RAB6B: variants seen among roughly 807,000 people sequenced by gnomAD.
The protein encoded by RAB6B is ras-related protein Rab-6B.
RAB6B carries 7 observed loss-of-function variants against 31.2 expected under a neutral mutation model. That is an observed-to-expected ratio of 0.22 (90% CI 0.13 to 0.42). RAB6B has a LOEUF of 0.42. Among genes scored for constraint, RAB6B ranks in the 10% least tolerant of loss-of-function variants. RAB6B has a pLI of 1.00. For synonymous variants in RAB6B, 105 were observed against 104.9 expected, an observed-to-expected ratio of 1.00 and a Z score of -0.01; for missense variants, 149 against 280.6, an observed-to-expected ratio of 0.53 and a Z score of 3.35.
Position 133,895,759 on chromosome 3 carries a change from C to G in RAB6B, c.-293G>C, listed in dbSNP as rs1936703678. The G allele has an allele frequency of 9.7e-6, 4 of 410,572 alleles. No individual in the cohort carries two copies. The highest frequency in any genetic ancestry group is 2.1e-5 in the African/African-American group (1 of 47,582). The allele number at this position is 410,572 out of a possible 1,614,324, so 25.4% of individuals were successfully genotyped here. A position where few individuals can be genotyped will look rare whatever the true frequency, so the allele number is the denominator to read the frequency against. ...CGCGCTCTTTACGCCCGAGGCGCGG[C>G]GCTGGGAGAGAGGCGCGGGCGGAGC... On this transcript the variant is annotated 5_prime_UTR_variant, in exon 1 of 8. Transcript: ENST00000285208.
At position 133,832,898 on chromosome 3, in the gene RAB6B, G is replaced by C. The variant is rs930359508; in HGVS notation, c.562+1677C>G. On this transcript the variant is annotated intron_variant, in intron 7 of 7. Coordinates refer to ENST00000285208, the MANE Select transcript of RAB6B (RefSeq NM_016577.4). Reference sequence around the variant, plus strand: ...GCTAGGCATACCAGGACGATGACGAGCTCACTGTCACCCTGCACTCAGCCC... The same window carrying C: ...GCTAGGCATACCAGGACGATGACGACCTCACTGTCACCCTGCACTCAGCCC... Among the ~76,000 whole-genome samples, 28 of 152,212 alleles carry C rather than the reference G, an allele frequency of 1.8e-4. 1 individual carries two copies. Among genetic ancestry groups the C allele is most frequent in the Non-Finnish European group, 5.9e-5 (4 of 68,034 alleles).
Position 133,826,760 on chromosome 3 carries a change from G to T in RAB6B, c.*2028C>A, listed in dbSNP as rs895398364. On this transcript the variant is annotated 3_prime_UTR_variant, in exon 8 of 8. Coordinates refer to ENST00000285208, the MANE Select transcript of RAB6B (RefSeq NM_016577.4). ...TTTATTGATGGCAAGACAATCACAA[G>T]TTATTTGACAATATTAAGTATTTCT... The T allele has an allele frequency of 2.6e-5, 4 of 152,628 alleles. No homozygotes were observed. Among genetic ancestry groups the T allele is most frequent in the Admixed American group, 1.3e-4 (2 of 15,286 alleles). 9.5% of individuals were successfully genotyped at this position (152,628 alleles called of 1,614,324 possible).
intron 1 of RAB6B, among the ~76,000 whole-genome samples, chr3:133,884,970 A>G (rs1207721266): frequency 7.6e-6 from 1 of 132,276 alleles, no homozygotes; most frequent in Non-Finnish European, 1.6e-5. Flanking sequence ...AGGACGGGGG[A>G]CTCACACACC....
intron 2 of RAB6B, among the ~76,000 whole-genome samples, chr3:133,842,025 T>C (rs990302776): frequency 2.6e-5 from 4 of 152,206 alleles, no homozygotes; most frequent in Non-Finnish European, 5.9e-5. Flanking sequence ...GTTCCCTTCA[T>C]GGCCTAACCT....
intron 2 of RAB6B, among the ~76,000 whole-genome samples, chr3:133,847,837 C>T (rs1459287750): frequency 1.3e-5 from 2 of 152,212 alleles, no homozygotes; most frequent in Non-Finnish European, 2.9e-5. Context: ...TCTTTGCTTT[C>T]CACGACTTTA....
At chr3:133,885,747 C>T in intron 1 of RAB6B, 1 of 622,482 alleles carries the variant, frequency 1.6e-6, no homozygotes. Context: ...CAGAGAGAGA[C>T]AATAGTCCCT....
chr3:133,842,743 G>A (rs6439444), intron 2 of RAB6B, among the ~76,000 whole-genome samples: 4,504 of 152,258 alleles, frequency 0.03, 211 homozygotes, highest in African/African-American at 0.1. Context: ...GAAGTGAAGG[G>A]AATCTGCTAA....
At chr3:133,888,247 CT>C (rs766519170) in intron 1 of RAB6B, among the ~76,000 whole-genome samples, 8 of 152,260 alleles carry the variant, frequency 5.3e-5, no homozygotes, top group Non-Finnish European at 8.8e-5. Context: ...GGCCAGCTCT[CT>C]CTGAGCCTCT....
At chr3:133,840,338 T>A (rs538537553) in intron 4 of RAB6B, among the ~76,000 whole-genome samples, 14 of 152,260 alleles carry the variant, frequency 9.2e-5, no homozygotes, top group South Asian at 2.1e-4. Context: ...CTCGGCAGCC[T>A]GCACACCCAA....
At chr3:133,842,619 C>G (rs1247826664) in intron 2 of RAB6B, among the ~76,000 whole-genome samples, 1 of 152,106 alleles carries the variant, frequency 6.6e-6, no homozygotes, top group African/African-American at 2.4e-5. Context: ...AACGGTTATC[C>G]AGTTAAAAAA....
At chr3:133,862,407 G>A (rs1357270376) in intron 2 of RAB6B, among the ~76,000 whole-genome samples, 1 of 152,222 alleles carries the variant, frequency 6.6e-6, no homozygotes, top group Non-Finnish European at 1.5e-5. Context: ...GATGCACACA[G>A]GAGCTACTGC....
intron 1 of RAB6B, among the ~76,000 whole-genome samples, chr3:133,877,794 G>T (rs1356898876): frequency 1.4e-5 from 2 of 148,116 alleles, no homozygotes; most frequent in East Asian, 3.9e-4. Context: ...ATTATATATA[G>T]AATATATGCT....
chr3:133,880,773 A>C (rs923606896), intron 1 of RAB6B, among the ~76,000 whole-genome samples: 4 of 152,158 alleles, frequency 2.6e-5, no homozygotes, highest in African/African-American at 9.7e-5. Context: ...CCAGGTGGTG[A>C]GGGGAGCACA....
intron 1 of RAB6B, among the ~76,000 whole-genome samples, chr3:133,866,620 G>C (rs1267739788): frequency 1.3e-5 from 2 of 152,224 alleles, no homozygotes; most frequent in Non-Finnish European, 2.9e-5. Context: ...AGGCTATAAA[G>C]AGCATTCTGA....
At position 133,895,735 on chromosome 3, in the gene RAB6B, G is replaced by C; in HGVS notation, c.-269C>G. Reference sequence around the variant, plus strand: ...CGGCACTGGCTGCGGTGCGAGGGGCGCGCTCTTTACGCCCGAGGCGCGGCG... The same window carrying C: ...CGGCACTGGCTGCGGTGCGAGGGGCCCGCTCTTTACGCCCGAGGCGCGGCG... On this transcript the variant is annotated 5_prime_UTR_variant, in exon 1 of 8. Coordinates refer to ENST00000285208, the MANE Select transcript of RAB6B (RefSeq NM_016577.4). 1 of 485,370 alleles carries C rather than the reference G, an allele frequency of 2.1e-6. No individual in the cohort carries two copies. Among genetic ancestry groups the C allele is most frequent in the Non-Finnish European group, 3.6e-6 (1 of 279,008 alleles). The allele number at this position is 485,370 out of a possible 1,614,324, so 30.1% of individuals were successfully genotyped here. A position where few individuals can be genotyped will look rare whatever the true frequency, so the allele number is the denominator to read the frequency against.
At chr3:133,843,421 T>A (rs1935865382) in intron 2 of RAB6B, among the ~76,000 whole-genome samples, 1 of 152,024 alleles carries the variant, frequency 6.6e-6, no homozygotes, top group Non-Finnish European at 1.5e-5. Context: ...CCTTCACAGG[T>A]GTATGTTAGA....
intron 1 of RAB6B, among the ~76,000 whole-genome samples, chr3:133,865,783 G>A (rs548171442): frequency 2.0e-5 from 3 of 152,378 alleles, no homozygotes; most frequent in African/African-American, 7.2e-5. Flanking sequence ...CAAGCCAACA[G>A]GACCCCTTGG....
At chr3:133,875,048 A>C (rs1434197533) in intron 1 of RAB6B, among the ~76,000 whole-genome samples, 1 of 152,228 alleles carries the variant, frequency 6.6e-6, no homozygotes, top group East Asian at 1.9e-4. Context: ...TTTTAAAAAA[A>C]GTGAGTAGAA....
intron 1 of RAB6B, among the ~76,000 whole-genome samples, chr3:133,872,719 A>G (rs986139256): frequency 6.6e-6 from 1 of 152,254 alleles, no homozygotes; most frequent in African/African-American, 2.4e-5. Flanking sequence ...CCGTAGGCTA[A>G]ATGAGGAAAC....
Sources: gnomAD v4.1 joint callset for allele counts (sites outside exome capture counted in the v4.1 genomes callset) on GRCh38, gnomAD v4.1.1 for gene constraint, MANE v1.5 for transcripts, NCBI Gene and HGNC (gene_info 2026-07-23, HGNC 2026-07-21) for gene names.